The following NSRP1 variants were observed in gnomAD, a reference collection of about 807,000 sequenced individuals.
The protein encoded by NSRP1 is nuclear speckle splicing regulatory protein 1.
Under a neutral mutation model 54.7 loss-of-function variants are expected in NSRP1, and 24 were observed. The ratio of observed to expected loss-of-function variants is 0.44; its 90% confidence interval spans 0.32 to 0.62. The LOEUF is 0.62. Among genes scored for constraint, NSRP1 ranks in the 20% least tolerant of loss-of-function variants. The pLI is 0.06. For synonymous variants in NSRP1, 210 were observed against 213.8 expected, an observed-to-expected ratio of 0.98 and a Z score of 0.15; for missense variants, 596 against 651.2, an observed-to-expected ratio of 0.92 and a Z score of 0.92.
At chr17:30,154,099 T>C (rs1438789774) in intron 2 of NSRP1, among the ~76,000 whole-genome samples, 2 of 151,580 alleles carry the variant, frequency 1.3e-5, no homozygotes, top group Admixed American at 1.3e-4. Context: ...GGAGGATTGC[T>C]TAAACCCAGG....
chr17:30,145,362 A>G (rs970363603), intron 2 of NSRP1, among the ~76,000 whole-genome samples: 4 of 152,182 alleles, frequency 2.6e-5, no homozygotes, highest in Non-Finnish European at 5.9e-5. Flanking sequence ...AGGTGGGCGG[A>G]TCACGAGGTC....
At chr17:30,140,485 T>G (rs2071793823) in intron 2 of NSRP1, among the ~76,000 whole-genome samples, 1 of 151,764 alleles carries the variant, frequency 6.6e-6, no homozygotes, top group African/African-American at 2.4e-5. Flanking sequence ...CTTCACTATT[T>G]CAGTTTCTGA....
chr17:30,145,993 G>C (rs1307343439), intron 2 of NSRP1, among the ~76,000 whole-genome samples: 4 of 123,236 alleles, frequency 3.2e-5, no homozygotes, highest in Non-Finnish European at 7.4e-5. Context: ...AGGACTGCAG[G>C]TGCATGCCAC....
chr17:30,184,486 TCAGA>T (rs1166835050), intron 6 of NSRP1, 125 bp from the exon 7 acceptor site: 65 of 1,167,012 alleles, frequency 5.6e-5, no homozygotes, highest in Middle Eastern at 3.1e-4. Context: ...ATTTGGATAA[TCAGA>T]CAGTATATAT....
intron 2 of NSRP1, among the ~76,000 whole-genome samples, chr17:30,140,446 A>G (rs1397181085): frequency 1.3e-5 from 2 of 152,048 alleles, no homozygotes; most frequent in African/African-American, 4.8e-5. Context: ...ATTTTGTTAA[A>G]ATGAAAGGTA....
At chr17:30,172,949 A>G (rs1905005472) in intron 3 of NSRP1, among the ~76,000 whole-genome samples, 1 of 151,730 alleles carries the variant, frequency 6.6e-6, no homozygotes, top group Non-Finnish European at 1.5e-5. Context: ...ACAAATATAT[A>G]GATATATAGA....
At chr17:30,131,104 G>A (rs1290878152) in intron 2 of NSRP1, among the ~76,000 whole-genome samples, 1 of 152,112 alleles carries the variant, frequency 6.6e-6, no homozygotes, top group Admixed American at 6.6e-5. Flanking sequence ...AAATTAAACA[G>A]GTATTTAGGG....
At chr17:30,155,581 C>G (rs1475955818) in intron 2 of NSRP1, among the ~76,000 whole-genome samples, 1 of 152,002 alleles carries the variant, frequency 6.6e-6, no homozygotes, top group Admixed American at 6.6e-5. Flanking sequence ...ACTATATTGC[C>G]CAGGCTGAAA....
At chr17:30,172,690 C>A in intron 3 of NSRP1, 92 bp downstream of exon 3, 3 of 946,612 alleles carry the variant, frequency 3.2e-6, no homozygotes, top group Admixed American at 2.5e-5. Flanking sequence ...GAGACTAAAA[C>A]AGAATAGATT....
intron 3 of NSRP1, among the ~76,000 whole-genome samples, chr17:30,173,095 C>G (rs1364976995): frequency 6.6e-6 from 1 of 151,976 alleles, no homozygotes; most frequent in Non-Finnish European, 1.5e-5. Context: ...TCCCGAGTAG[C>G]TGGGACTAAA....
intron 2 of NSRP1, among the ~76,000 whole-genome samples, chr17:30,171,069 T>G (rs1338957286): frequency 6.6e-6 from 1 of 152,182 alleles, no homozygotes; most frequent in East Asian, 1.9e-4. Context: ...TTAAGTATTT[T>G]TTTTTCTTAG....
intron 2 of NSRP1, among the ~76,000 whole-genome samples, chr17:30,158,158 G>C: frequency 6.6e-6 from 1 of 152,032 alleles, no homozygotes; most frequent in East Asian, 1.9e-4. Flanking sequence ...TTTAATAATA[G>C]AGGTTCCAGC....
chr17:30,185,569 A>G lies in NSRP1; in HGVS notation c.1572A>G (p.Ala524=). 6.2e-7 allele frequency: 1 copy of G among 1,614,204 alleles called. No individual in the cohort carries two copies. Among genetic ancestry groups the G allele is most frequent in the Non-Finnish European group, 8.5e-7 (1 of 1,180,028 alleles). Residue 524 remains alanine, a synonymous_variant, in exon 7 of 7, where the codon GCA becomes GCG. Transcript: ENST00000247026. ...CACCTGAGGCAGTGAGCAAGTTTGCAAAGCGGAACAATGAAGAAACTGTAA... is the reference window on the plus strand; with the variant it reads ...CACCTGAGGCAGTGAGCAAGTTTGCGAAGCGGAACAATGAAGAAACTGTAA... ...ERPPEAVSKF[A]KRNNEETVMS...
At chr17:30,165,722 A>G (rs755584903) in intron 2 of NSRP1, among the ~76,000 whole-genome samples, 4 of 152,354 alleles carry the variant, frequency 2.6e-5, no homozygotes, top group Middle Eastern at 3.4e-3. Flanking sequence ...TAGTTACGCT[A>G]TAGCTCCCAT....
intron 6 of NSRP1, 50 bp downstream of exon 6, chr17:30,181,066 T>C: frequency 8.8e-7 from 1 of 1,130,070 alleles, no homozygotes. Context: ...GTTAATAATC[T>C]GTGGTTGTGG....
chr17:30,151,417 A>G (rs770762933), intron 2 of NSRP1, among the ~76,000 whole-genome samples: 19 of 152,314 alleles, frequency 1.2e-4, no homozygotes, highest in South Asian at 4.1e-4. Flanking sequence ...CACACTTTTT[A>G]TATGTATTAT....
At chr17:30,128,957 T>C (rs919774352) in intron 2 of NSRP1, among the ~76,000 whole-genome samples, 25 of 151,736 alleles carry the variant, frequency 1.6e-4, no homozygotes, top group African/African-American at 5.8e-4. Flanking sequence ...GGGGTCTCGC[T>C]ATATTGCCCA....
At chr17:30,178,325 T>C (rs1045436515) in intron 4 of NSRP1, 126 bp downstream of exon 4, 5 of 940,436 alleles carry the variant, frequency 5.3e-6, no homozygotes, top group Admixed American at 3.3e-5. Flanking sequence ...AGTCCCTAAT[T>C]CCAGATATTA....
chr17:30,128,175 T>C (rs1327363500), intron 2 of NSRP1: 1 of 170,648 alleles, frequency 5.9e-6, no homozygotes, highest in East Asian at 1.5e-4. Context: ...TATGTAGTTA[T>C]ATATATATAT....
Sources: allele counts gnomAD v4.1 joint callset (sites outside exome capture counted in the v4.1 genomes callset), GRCh38; gene constraint gnomAD v4.1.1; transcripts MANE v1.5; gene names NCBI Gene and HGNC (gene_info 2026-07-23, HGNC 2026-07-21).